The following CKAP5 variants were observed in gnomAD, a reference collection of about 807,000 sequenced individuals.
The protein encoded by CKAP5 is cytoskeleton associated protein 5, also known as cytoskeleton-associated protein 5.
Under a neutral mutation model 232.8 loss-of-function variants are expected in CKAP5, and 27 were observed. The observed-to-expected ratio is 0.12, with a 90% CI of 0.09 to 0.16. The LOEUF is 0.16. Among genes scored for constraint, CKAP5 ranks in the 10% least tolerant of loss-of-function variants. The pLI, the probability that CKAP5 is intolerant of heterozygous loss-of-function variation, is 1.00. For missense variants in CKAP5, 1,838 were observed against 2,424.7 expected (o/e 0.76, Z 5.08); for synonymous variants, 785 against 841.1 (o/e 0.93, Z 1.16).
At position 46,821,265 on chromosome 11, in the gene CKAP5, T is replaced by C. The variant is rs1184471423; in HGVS notation, c.-34A>G. On this transcript the variant is annotated 5_prime_UTR_variant, in exon 2 of 44. Transcript: ENST00000529230. ...CAGGTTTTCCTTAGAATTAAGAGTA[T>C]TTCCTGGTCAGATAAAGGTAGAAAC... is the stretch of plus-strand genomic sequence containing the variant. The C allele has an allele frequency of 1.9e-6, 3 of 1,549,642 alleles. No individual in the cohort carries two copies. The highest frequency in any genetic ancestry group is 1.4e-5 in the African/African-American group (1 of 73,446).
chr11:46,829,838 ATG>A (rs57602333), intron 1 of CKAP5, among the ~76,000 whole-genome samples: 6,645 of 142,948 alleles, frequency 0.046, 204 homozygotes, highest in African/African-American at 0.087. Context: ...CCTTTTTTGT[ATG>A]TGTGTGTGTG....
Position 46,743,999 on chromosome 11 carries a change from G to A in CKAP5, c.*24C>T. 6.2e-7 allele frequency: 1 copy of A among 1,611,944 alleles called. No individual in the cohort carries two copies. Among genetic ancestry groups the A allele is most frequent in the Non-Finnish European group, 8.5e-7 (1 of 1,179,888 alleles). On this transcript the variant is annotated 3_prime_UTR_variant, in exon 44 of 44. Transcript: ENST00000529230. Reference sequence around the variant, plus strand: ...TCTAGTTTAGTAAACTAAAGCTGCAGGGTGCCGGGGGAGTGGGGCAGCTTC... The same window carrying A: ...TCTAGTTTAGTAAACTAAAGCTGCAAGGTGCCGGGGGAGTGGGGCAGCTTC...
At position 46,809,799 on chromosome 11, in the gene CKAP5, G is replaced by C. The variant is rs775822012; in HGVS notation, c.706C>G (p.Gln236Glu). 10 of 1,614,040 alleles carry C rather than the reference G, an allele frequency of 6.2e-6. No homozygotes were observed. The highest frequency in any genetic ancestry group is 2.2e-5 in the East Asian group (1 of 44,874). The change falls in exon 6 of 44, where the codon CAA becomes GAA. Residue 236 changes from glutamine (Q) to glutamate (E), a missense_variant. Coordinates refer to ENST00000529230, the MANE Select transcript of CKAP5 (RefSeq NM_001008938.4). Reference protein sequence around the residue: ...PRPTRFLRSQQELEAKLEQQQ... With the variant: ...PRPTRFLRSQEELEAKLEQQQ... ...TGTTCCAATTTAGCTTCTAGTTCTT[G>C]TTGGGAACGAAGAAATCGAGTAGGT...
intron 42 of CKAP5, among the ~76,000 whole-genome samples, chr11:46,746,116 A>G (rs2065020060): frequency 6.6e-6 from 1 of 152,190 alleles, no homozygotes; most frequent in Non-Finnish European, 1.5e-5. Flanking sequence ...TGAAAAACAC[A>G]AAGGGACATG....
intron 1 of CKAP5, among the ~76,000 whole-genome samples, chr11:46,834,686 C>A (rs1939876724): frequency 6.6e-6 from 1 of 152,040 alleles, no homozygotes; most frequent in Non-Finnish European, 1.5e-5. Flanking sequence ...AAATTATATG[C>A]TATTTGGTGA....
rs1199772860 is a variant in CKAP5, at chr11:46,763,227, T to C, written c.3688-48A>G. ...CTCCCACAAATAAGAATAATCAAAA[T>C]CTTAATTCTACTAGGCAAGTGTCTT... is the stretch of plus-strand genomic sequence containing the variant. On this transcript the variant is annotated intron_variant, in intron 29 of 43. Coordinates refer to ENST00000529230, the MANE Select transcript of CKAP5 (RefSeq NM_001008938.4). 5 of 1,410,534 alleles carry C rather than the reference T, an allele frequency of 3.5e-6. No individual in the cohort carries two copies. In the African/African-American group the frequency reaches 7.3e-5, roughly 21 times the overall value. 87.4% of individuals were successfully genotyped at this position (1,410,534 alleles called of 1,614,324 possible).
chr11:46,769,393 C>T (rs2134603872), intron 26 of CKAP5, among the ~76,000 whole-genome samples: 1 of 152,284 alleles, frequency 6.6e-6, no homozygotes, highest in Middle Eastern at 3.4e-3. Context: ...TTTTAATGTA[C>T]TATTCCAAAA....
At chr11:46,787,881 C>G (rs984728440) in intron 16 of CKAP5, among the ~76,000 whole-genome samples, 1 of 152,130 alleles carries the variant, frequency 6.6e-6, no homozygotes, top group Non-Finnish European at 1.5e-5. Context: ...ACTCCTGAAA[C>G]AGCAAGACAA....
chr11:46,844,412 T>TA (rs1940129371), intron 1 of CKAP5, among the ~76,000 whole-genome samples: 1 of 151,672 alleles, frequency 6.6e-6, no homozygotes, highest in Non-Finnish European at 1.5e-5. Flanking sequence ...ACCGTGAAGG[T>TA]AAAAAACAAA....
At chr11:46,805,099 G>A (rs1315386044) in intron 8 of CKAP5, among the ~76,000 whole-genome samples, 2 of 151,792 alleles carry the variant, frequency 1.3e-5, no homozygotes, top group African/African-American at 4.8e-5. Context: ...GCCGGGCATG[G>A]TGGCACGCGC....
At chr11:46,779,714 G>A (rs1207683798) in intron 20 of CKAP5, among the ~76,000 whole-genome samples, 1 of 151,934 alleles carries the variant, frequency 6.6e-6, no homozygotes, top group Non-Finnish European at 1.5e-5. Flanking sequence ...CAACCTCCTA[G>A]GCTCAGGTGA....
intron 5 of CKAP5, among the ~76,000 whole-genome samples, chr11:46,810,133 G>A (rs1484734144): frequency 6.6e-6 from 1 of 151,860 alleles, no homozygotes; most frequent in African/African-American, 2.4e-5. Flanking sequence ...TACCACATCC[G>A]GCTAATTTTT....
chr11:46,752,528 G>C (rs1391542282), intron 38 of CKAP5, 107 bp downstream of exon 38: 8 of 760,626 alleles, frequency 1.1e-5, no homozygotes, highest in Admixed American at 2.9e-5. Context: ...GTGTGACTTG[G>C]TTGATTTGAG....
intron 1 of CKAP5, among the ~76,000 whole-genome samples, chr11:46,842,989 A>G (rs1019007620): frequency 2.0e-5 from 3 of 149,854 alleles, no homozygotes; most frequent in Non-Finnish European, 4.4e-5. Context: ...AAAAAAAAAA[A>G]AAGAAGTAAG....
At chr11:46,783,706 A>AT (rs967990994) in intron 17 of CKAP5, among the ~76,000 whole-genome samples, 1 of 151,212 alleles carries the variant, frequency 6.6e-6, no homozygotes, top group Non-Finnish European at 1.5e-5. Flanking sequence ...CTTCTATAGA[A>AT]TTTTTTGTTT....
rs142946079 is a variant in CKAP5 at position 46,797,901 on chromosome 11, C to T, written c.1242G>A (p.Gln414=). The T allele has an allele frequency of 4.0e-5, 65 of 1,613,920 alleles. No individual in the cohort carries two copies. The highest frequency in any genetic ancestry group is 1.6e-4 in the Middle Eastern group (1 of 6,082). The change falls in exon 11 of 44, where the codon CAG becomes CAA. Residue 414 remains glutamine, a synonymous_variant. Transcript: ENST00000529230. The part of the protein sequence containing the change: ...VMDNKNPTIK[Q]QTSLFIARSF... ...TTCTTGCAATAAAAAGAGATGTCTG[C>T]TGCTTGATGGTTGGATTTTTATTAT...
In CKAP5 at chr11:46,770,027, T is replaced by C. The variant is rs749820854; in HGVS notation, c.3258A>G (p.Pro1086=). ...TTGGTTTAGAAGTTGCTTTAGTGGGTGGAGCAGGCTTGGCTGGCATGTTAA... is the reference window on the plus strand; with the variant it reads ...TTGGTTTAGAAGTTGCTTTAGTGGGCGGAGCAGGCTTGGCTGGCATGTTAA... The part of the protein sequence containing the change: ...AKVNMPAKPA[P]PTKATSKPMG... The change falls in exon 26 of 44, where the codon CCA becomes CCG. Residue 1086 remains proline (P), a synonymous_variant. Transcript: ENST00000529230. The C allele has an allele frequency of 2.5e-6, 4 of 1,614,090 alleles. No homozygotes were observed. The South Asian group carries it at 4.4e-5, about 18-fold the overall frequency.
At chr11:46,822,009 A>G (rs1397653247) in intron 1 of CKAP5, among the ~76,000 whole-genome samples, 2 of 152,138 alleles carry the variant, frequency 1.3e-5, no homozygotes, top group African/African-American at 4.8e-5. Flanking sequence ...ACTGCATTCC[A>G]GCCTGGGCGA....
intron 4 of CKAP5, among the ~76,000 whole-genome samples, chr11:46,814,405 A>G (rs1262936141): frequency 6.6e-6 from 1 of 152,220 alleles, no homozygotes; most frequent in African/African-American, 2.4e-5. Flanking sequence ...AAAAAACAAT[A>G]TTAAAGACCT....
Sources: allele counts gnomAD v4.1 joint callset (sites outside exome capture counted in the v4.1 genomes callset), GRCh38; gene constraint gnomAD v4.1.1; transcripts MANE v1.5; gene names NCBI Gene and HGNC (gene_info 2026-07-23, HGNC 2026-07-21).